The following CNTLN variants were observed in gnomAD, a reference collection of about 807,000 sequenced individuals.
CNTLN encodes the protein centlein.
In CNTLN, 212 loss-of-function variants were observed where a neutral mutation model predicts 180.0. The observed-to-expected ratio is 1.18, with a 90% CI of 1.05 to 1.32. The LOEUF is 1.32. CNTLN is among the 40% of genes most tolerant of loss of function. The probability of loss-of-function intolerance (pLI) is 0.00; values close to 1 mark genes in which losing one functional copy is unlikely to be tolerated. For synonymous variants in CNTLN, 722 were observed against 563.1 expected, an observed-to-expected ratio of 1.28 and a Z score of -3.99; for missense variants, 2,095 against 1,610.9, an observed-to-expected ratio of 1.30 and a Z score of -5.14.
At chr9:17,272,279 G>A (rs1828008437) in intron 5 of CNTLN, among the ~76,000 whole-genome samples, 1 of 151,940 alleles carries the variant, frequency 6.6e-6, no homozygotes, top group East Asian at 1.9e-4. Context: ...GTTTCACCAC[G>A]TTGGCTAGGA....
chr9:17,278,871 G>A (rs1348720231), intron 6 of CNTLN, among the ~76,000 whole-genome samples: 1 of 152,026 alleles, frequency 6.6e-6, no homozygotes, highest in Non-Finnish European at 1.5e-5. Flanking sequence ...ATTGAAGATT[G>A]GGTAGACAGA....
At chr9:17,195,806 C>T (rs111797141) in intron 2 of CNTLN, among the ~76,000 whole-genome samples, 1,593 of 152,218 alleles carry the variant, frequency 0.01, 29 homozygotes, top group African/African-American at 0.036. Flanking sequence ...ATTCTATCTC[C>T]ACTTCCTGGT....
Position 17,502,642 on chromosome 9 carries a change from A to G in CNTLN, c.4211A>G (p.Asp1404Gly), listed in dbSNP as rs1310740344. Reference sequence around the variant, plus strand: ...GAAGGATATTTCACAATTATGAAAGATATTAGATGATATTAAAATGGAGAG... The same window carrying G: ...GAAGGATATTTCACAATTATGAAAGGTATTAGATGATATTAAAATGGAGAG... ...LVEGYFTIMKDIR is the reference protein window; with the variant it reads ...LVEGYFTIMKGIR The change falls in exon 26 of 26, where the codon GAT becomes GGT. Residue 1404 changes from aspartate to glycine, a missense_variant. Physicochemically the swap from Asp to Gly is moderately conservative, Grantham distance 94 (BLOSUM62 -1). Coordinates refer to ENST00000380647, the MANE Select transcript of CNTLN (RefSeq NM_017738.4). 2.4e-6 allele frequency: 3 copies of G among 1,225,390 alleles called. No individual in the cohort carries two copies. The highest frequency in any genetic ancestry group is 5.2e-5 in the Admixed American group (2 of 38,200). The allele number at this position is 1,225,390 out of a possible 1,614,324, so 75.9% of individuals were successfully genotyped here. A position where few individuals can be genotyped will look rare whatever the true frequency, so the allele number is the denominator to read the frequency against.
intron 2 of CNTLN, among the ~76,000 whole-genome samples, chr9:17,157,779 T>C (rs1391018820): frequency 6.6e-6 from 1 of 152,178 alleles, no homozygotes; most frequent in African/African-American, 2.4e-5. Context: ...TATTTGTGAA[T>C]AAGTATAAGA....
chr9:17,394,348 C>T (rs1378794781), intron 14 of CNTLN, among the ~76,000 whole-genome samples, 186 bp from the exon 15 acceptor site: 6 of 152,162 alleles, frequency 3.9e-5, no homozygotes, highest in African/African-American at 1.4e-4. Context: ...CTTTATTCAA[C>T]AGATACATTA....
At chr9:17,201,755 C>G (rs553223360) in intron 2 of CNTLN, among the ~76,000 whole-genome samples, 1 of 151,908 alleles carries the variant, frequency 6.6e-6, no homozygotes, top group Non-Finnish European at 1.5e-5. Context: ...AGCTAGTGAT[C>G]TATTTTGTCA....
chr9:17,175,146 G>A (rs1045199085), intron 2 of CNTLN, among the ~76,000 whole-genome samples: 1 of 152,132 alleles, frequency 6.6e-6, no homozygotes, highest in Non-Finnish European at 1.5e-5. Flanking sequence ...AAATTTTGAT[G>A]AAGTCCAATT....
intron 3 of CNTLN, among the ~76,000 whole-genome samples, chr9:17,228,417 G>A (rs550694027): frequency 1.3e-5 from 2 of 152,052 alleles, no homozygotes; most frequent in South Asian, 4.1e-4. Context: ...TCATTTTTGT[G>A]CAATGATGAT....
intron 5 of CNTLN, among the ~76,000 whole-genome samples, chr9:17,249,478 A>C (rs545301744): frequency 2.8e-4 from 43 of 151,396 alleles, no homozygotes; most frequent in Middle Eastern, 3.4e-3. Context: ...CCTCCCGAGT[A>C]GCTGGGACTA....
chr9:17,174,940 G>T (rs1391266009), intron 2 of CNTLN, among the ~76,000 whole-genome samples: 1 of 152,124 alleles, frequency 6.6e-6, no homozygotes, highest in Non-Finnish European at 1.5e-5. Context: ...TTTGCCATCT[G>T]AATGTCCTCT....
intron 18 of CNTLN, 47 bp downstream of exon 18, chr9:17,416,236 G>A (rs772669956): frequency 6.2e-6 from 9 of 1,450,090 alleles, no homozygotes; most frequent in Middle Eastern, 1.8e-4. Context: ...TATTGTAAAA[G>A]TGGATATTTT....
rs985503843 is a variant in CNTLN, at chr9:17,342,327, C to G, written c.1769C>G (p.Thr590Ser). 3.1e-6 allele frequency: 5 copies of G among 1,611,152 alleles called. No homozygotes were observed. Among genetic ancestry groups the G allele is most frequent in the Non-Finnish European group, 4.2e-6 (5 of 1,178,946 alleles). The change falls in exon 12 of 26, where the codon ACT becomes AGT. Residue 590 changes from threonine (T) to serine (S), a missense_variant and splice_region_variant. By Grantham distance (58) the Thr-to-Ser change is moderately conservative (BLOSUM62 1). Transcript: ENST00000380647. ...LKQWEEGSGMTEIRKIKRADP... is the reference protein window; with the variant it reads ...LKQWEEGSGMSEIRKIKRADP... ...AAGCAACTTTGTTTTAAAAATAGGA[C>G]TGAAATCAGGAAAATAAAGAGAGCA...
chr9:17,210,674 C>T (rs922895532), intron 2 of CNTLN, among the ~76,000 whole-genome samples: 1 of 152,292 alleles, frequency 6.6e-6, no homozygotes, highest in Admixed American at 6.5e-5. Context: ...ACAGTCCCAC[C>T]AATAGTGTAA....
At chr9:17,261,829 A>G (rs1827005032) in intron 5 of CNTLN, among the ~76,000 whole-genome samples, 1 of 151,510 alleles carries the variant, frequency 6.6e-6, no homozygotes, top group Admixed American at 6.6e-5. Flanking sequence ...TTTGCAATCT[A>G]CCATTCTGAC....
chr9:17,499,318 A>T (rs1271221814), intron 25 of CNTLN, among the ~76,000 whole-genome samples: 1 of 152,162 alleles, frequency 6.6e-6, no homozygotes, highest in Non-Finnish European at 1.5e-5. Flanking sequence ...TATGATGTTT[A>T]AGAGTTAGCG....
At chr9:17,437,666 A>G (rs931067175) in intron 18 of CNTLN, among the ~76,000 whole-genome samples, 2 of 152,198 alleles carry the variant, frequency 1.3e-5, no homozygotes, top group African/African-American at 4.8e-5. Flanking sequence ...TTACAATTCA[A>G]TTTAGTTTAA....
At chr9:17,334,890 G>A (rs1230249725) in intron 10 of CNTLN, among the ~76,000 whole-genome samples, 1 of 143,582 alleles carries the variant, frequency 7.0e-6, no homozygotes, top group African/African-American at 2.6e-5. Flanking sequence ...ACCTGTACAT[G>A]TGCTCCCTGA....
At chr9:17,180,254 G>T in intron 2 of CNTLN, among the ~76,000 whole-genome samples, 1 of 137,946 alleles carries the variant, frequency 7.2e-6, no homozygotes. Context: ...CCTTCCTGTT[G>T]GCTATTGGAA....
intron 5 of CNTLN, among the ~76,000 whole-genome samples, chr9:17,272,038 TTTTC>T (rs1324764005): frequency 6.7e-4 from 97 of 145,632 alleles, no homozygotes; most frequent in Admixed American, 1.8e-3. Flanking sequence ...TTCCTTCCTT[TTTTC>T]CTTCCTTCCT....
Sources: allele counts gnomAD v4.1 joint callset (sites outside exome capture counted in the v4.1 genomes callset), GRCh38; gene constraint gnomAD v4.1.1; transcripts MANE v1.5; gene names NCBI Gene and HGNC (gene_info 2026-07-23, HGNC 2026-07-21).